The following NYAP2 variants were observed in gnomAD, a reference collection of about 807,000 sequenced individuals.
NYAP2 encodes the protein neuronal tyrosine-phosphorylated phosphoinositide-3-kinase adaptor 2.
NYAP2 carries 23 observed loss-of-function variants against 50.4 expected under a neutral mutation model. The ratio of observed to expected loss-of-function variants is 0.46; its 90% CI spans 0.33 to 0.65. The LOEUF (loss-of-function observed/expected upper bound fraction) is 0.65, where lower values mean the gene tolerates loss of function less well. Among genes scored for constraint, NYAP2 ranks in the 30% least tolerant of loss-of-function variants. NYAP2 has a pLI of 0.02. For missense variants in NYAP2, 885 were observed against 861.0 expected (o/e 1.03, Z -0.35); for synonymous variants, 394 against 365.2 (o/e 1.08, Z -0.90).
chr2:225,677,420 T>G, the NYAP2 span, among the ~76,000 whole-genome samples: 1 of 152,148 alleles, frequency 6.6e-6, no homozygotes, highest in African/African-American at 2.4e-5. Context: ...TTTTCTGATT[T>G]ACCCTGGCTA....
chr2:225,564,987 G>T (rs1329841766), intron 4 of NYAP2, among the ~76,000 whole-genome samples: 2 of 151,958 alleles, frequency 1.3e-5, no homozygotes, highest in Non-Finnish European at 2.9e-5. Flanking sequence ...ACAATTAGCT[G>T]GGCATGGTGG....
intron 6 of NYAP2, among the ~76,000 whole-genome samples, chr2:225,648,997 A>T (rs936242112): frequency 2.0e-5 from 3 of 152,204 alleles, no homozygotes; most frequent in Non-Finnish European, 4.4e-5. Flanking sequence ...TCACAGGTGG[A>T]AAGAGAGTCA....
At chr2:225,484,469 A>G (rs1244758970) in intron 3 of NYAP2, among the ~76,000 whole-genome samples, 1 of 152,190 alleles carries the variant, frequency 6.6e-6, no homozygotes, top group Non-Finnish European at 1.5e-5. Context: ...AATAATCTCT[A>G]TGACAGTGTG....
chr2:225,542,713 A>G lies in NYAP2; in HGVS notation c.523+29041A>G, dbSNP rs556067988. On this transcript the variant is annotated intron_variant, in intron 4 of 6. Coordinates refer to ENST00000636099, the Ensembl canonical transcript of NYAP2. Reference sequence around the variant, plus strand: ...ATTTTTGCATCAATATTCATTAGAAATATTGGCTTATAGTTTTCTTTTTTT... The same window carrying G: ...ATTTTTGCATCAATATTCATTAGAAGTATTGGCTTATAGTTTTCTTTTTTT... Among the ~76,000 whole-genome samples, 63 of 152,238 alleles carry G rather than the reference A, an allele frequency of 4.1e-4. No individual in the cohort carries two copies. In the Middle Eastern group the frequency reaches 0.031, roughly 74 times the overall value.
At chr2:225,516,167 AT>A (rs1690930648) in intron 4 of NYAP2, among the ~76,000 whole-genome samples, 1 of 152,140 alleles carries the variant, frequency 6.6e-6, no homozygotes, top group Non-Finnish European at 1.5e-5. Context: ...AGGGATTCCC[AT>A]TCATTTGGGA....
intron 3 of NYAP2, among the ~76,000 whole-genome samples, chr2:225,494,764 G>T (rs1456026391): frequency 6.6e-6 from 1 of 152,178 alleles, no homozygotes; most frequent in Admixed American, 6.5e-5. Context: ...GATTGCAGTG[G>T]AGAAGGAAAA....
At chr2:225,481,682 A>T (rs192962704) in intron 3 of NYAP2, among the ~76,000 whole-genome samples, 2 of 152,300 alleles carry the variant, frequency 1.3e-5, no homozygotes, top group Non-Finnish European at 2.9e-5. Flanking sequence ...TTGAAAAATC[A>T]CTGAATATTT....
chr2:225,662,460 A>C, the NYAP2 span, among the ~76,000 whole-genome samples: 1 of 152,264 alleles, frequency 6.6e-6, no homozygotes, highest in African/African-American at 2.4e-5. Context: ...ACAACACAAA[A>C]GACCAAGACG....
chr2:225,699,636 C>T, the NYAP2 span: 1 of 151,784 alleles, frequency 6.6e-6, no homozygotes, highest in Non-Finnish European at 1.5e-5. Flanking sequence ...AACTGGTTAT[C>T]ACCACATTTC....
rs557553674 is a variant in NYAP2, at chr2:225,552,293, T to C, written c.524-29648T>C. ...TGCCACTTGAACACATAGAATTTCA[T>C]ATAAAGAATGAAGTCAACAAATATA... is the stretch of plus-strand genomic sequence containing the variant. On this transcript the variant is annotated intron_variant, in intron 4 of 6. Coordinates refer to ENST00000636099, the Ensembl canonical transcript of NYAP2. 3.3e-4 allele frequency among the ~76,000 whole-genome samples: 50 copies of C among 152,240 alleles called. No individual in the cohort carries two copies. In the South Asian group the frequency reaches 6.6e-3, roughly 20 times the overall value.
At chr2:225,689,818 G>C in the NYAP2 span, among the ~76,000 whole-genome samples, 1 of 151,968 alleles carries the variant, frequency 6.6e-6, no homozygotes, top group South Asian at 2.1e-4. Context: ...TATGACAGAG[G>C]TGCATATTAT....
intron 4 of NYAP2, among the ~76,000 whole-genome samples, chr2:225,573,546 G>A (rs1342244579): frequency 6.6e-6 from 1 of 151,714 alleles, no homozygotes; most frequent in African/African-American, 2.4e-5. Flanking sequence ...CACCACGCCT[G>A]GCCCCAAAAT....
chr2:225,647,139 C>A (rs1252876900), intron 6 of NYAP2, among the ~76,000 whole-genome samples: 1 of 151,744 alleles, frequency 6.6e-6, no homozygotes, highest in Non-Finnish European at 1.5e-5. Context: ...TATTTGTCAT[C>A]CTTTTCTAGG....
intron 3 of NYAP2, among the ~76,000 whole-genome samples, chr2:225,438,031 A>G (rs974722777): frequency 2.0e-5 from 3 of 152,164 alleles, no homozygotes; most frequent in Non-Finnish European, 2.9e-5. Context: ...CTGAACTAGT[A>G]TAACATATAC....
intron 3 of NYAP2, among the ~76,000 whole-genome samples, chr2:225,445,377 G>A (rs56844408): frequency 0.011 from 1,740 of 151,844 alleles, 38 homozygotes; most frequent in African/African-American, 0.04. Context: ...GAATAACAAA[G>A]TATCAATTGA....
intron 4 of NYAP2, among the ~76,000 whole-genome samples, chr2:225,556,931 C>G (rs1427404212): frequency 6.6e-6 from 1 of 152,166 alleles, no homozygotes; most frequent in Non-Finnish European, 1.5e-5. Context: ...TGCTCAACCT[C>G]GGACCATTGG....
At chr2:225,407,022 C>T (rs75580480) in intron 2 of NYAP2, among the ~76,000 whole-genome samples, 1,959 of 151,988 alleles carry the variant, frequency 0.013, 42 homozygotes, top group African/African-American at 0.045. Flanking sequence ...ATCTTCCAGC[C>T]GGAGGCATTA....
intron 4 of NYAP2, among the ~76,000 whole-genome samples, chr2:225,574,248 G>A (rs889945052): frequency 4.6e-5 from 7 of 152,168 alleles, no homozygotes; most frequent in African/African-American, 1.7e-4. Flanking sequence ...TACACTGGCA[G>A]GTCAGGGGCA....
chr2:225,589,237 T>G (rs1692446174), intron 5 of NYAP2, among the ~76,000 whole-genome samples: 1 of 152,072 alleles, frequency 6.6e-6, no homozygotes, highest in African/African-American at 2.4e-5. Flanking sequence ...CAACTAGGTC[T>G]TGCCTAGAGT....
Sources: allele counts gnomAD v4.1 joint callset (sites outside exome capture counted in the v4.1 genomes callset), GRCh38; gene constraint gnomAD v4.1.1; transcripts MANE v1.5; gene names NCBI Gene and HGNC (gene_info 2026-07-23, HGNC 2026-07-21).